MDGA2: variants seen among roughly 807,000 people sequenced by gnomAD.
MDGA2 encodes the protein MAM domain containing glycosylphosphatidylinositol anchor 2, also known as MAM domain-containing glycosylphosphatidylinositol anchor protein 2.
Under a neutral mutation model 117.8 loss-of-function variants are expected in MDGA2, and 40 were observed. The ratio of observed to expected loss-of-function variants is 0.34; its 90% CI spans 0.26 to 0.44. MDGA2 has a LOEUF of 0.44. MDGA2 is among the 20% of genes least tolerant of loss of function. MDGA2 has a pLI of 1.00. For synonymous variants in MDGA2, 452 were observed against 439.0 expected (o/e 1.03, Z -0.37); for missense variants, 1,123 against 1,250.6 (o/e 0.90, Z 1.54).
intron 7 of MDGA2, among the ~76,000 whole-genome samples, chr14:47,053,601 GTATATATATATA>G (rs373802720): frequency 0.048 from 5,170 of 107,310 alleles, 267 homozygotes; most frequent in African/African-American, 0.11. Context: ...GTGTGTATGT[GTATATATATATA>G]TATATATATA....
chr14:47,178,444 T>C (rs140740021), intron 3 of MDGA2, among the ~76,000 whole-genome samples: 12 of 152,298 alleles, frequency 7.9e-5, no homozygotes, highest in Admixed American at 2.6e-4. Flanking sequence ...TATTGCCTTT[T>C]ATTTGTTTCT....
At chr14:47,150,372 CTT>C (rs1159818850) in intron 3 of MDGA2, among the ~76,000 whole-genome samples, 13 of 152,308 alleles carry the variant, frequency 8.5e-5, no homozygotes, top group African/African-American at 2.9e-4. Context: ...ATAAGAATCT[CTT>C]TGTATTTTGC....
chr14:47,543,130 A>G (rs7156213), intron 1 of MDGA2, among the ~76,000 whole-genome samples: 2,024 of 152,234 alleles, frequency 0.013, 44 homozygotes, highest in African/African-American at 0.046. Flanking sequence ...CAATCACTTG[A>G]GCCTGGGAGG....
chr14:47,327,032 A>G (rs977763956), intron 1 of MDGA2, among the ~76,000 whole-genome samples: 1 of 152,194 alleles, frequency 6.6e-6, no homozygotes, highest in Non-Finnish European at 1.5e-5. Context: ...TAGGAGGGCT[A>G]GAAGCCCCTT....
At chr14:46,925,723 G>A (rs1884306929) in intron 9 of MDGA2, among the ~76,000 whole-genome samples, 1 of 151,432 alleles carries the variant, frequency 6.6e-6, no homozygotes, top group African/African-American at 2.4e-5. Flanking sequence ...CGAACACCAT[G>A]GAACATTCTA....
chr14:47,408,097 C>T (rs1033339550), intron 1 of MDGA2, among the ~76,000 whole-genome samples: 6 of 122,512 alleles, frequency 4.9e-5, no homozygotes, highest in African/African-American at 1.9e-4. Context: ...TGCTCTGTTG[C>T]CAGGCTGGAG....
chr14:46,908,057 C>A (rs754152430), intron 10 of MDGA2, among the ~76,000 whole-genome samples: 3 of 152,162 alleles, frequency 2.0e-5, no homozygotes, highest in Non-Finnish European at 4.4e-5. Flanking sequence ...AACCCTCACA[C>A]ATATCATCAC....
chr14:47,586,606 A>G (rs1393809075), intron 1 of MDGA2, among the ~76,000 whole-genome samples: 1 of 151,908 alleles, frequency 6.6e-6, no homozygotes, highest in Admixed American at 6.6e-5. Flanking sequence ...GTTTCCAAAG[A>G]ATAGAAAATC....
At chr14:47,100,639 T>C (rs1388309510) in intron 5 of MDGA2, among the ~76,000 whole-genome samples, 1 of 152,024 alleles carries the variant, frequency 6.6e-6, no homozygotes, top group Non-Finnish European at 1.5e-5. Context: ...AAAACTGAAA[T>C]GGGATAAGGA....
chr14:47,296,120 G>A (rs1263886106), intron 2 of MDGA2, among the ~76,000 whole-genome samples: 1 of 152,020 alleles, frequency 6.6e-6, no homozygotes, highest in Non-Finnish European at 1.5e-5. Context: ...TTGTATAAGG[G>A]CAAGAGGGAA....
At chr14:47,660,277 C>T (rs188856414) in intron 1 of MDGA2, among the ~76,000 whole-genome samples, 12 of 152,300 alleles carry the variant, frequency 7.9e-5, no homozygotes, top group African/African-American at 2.9e-4. Context: ...CATGGCGCTA[C>T]AGCTGAATAT....
chr14:47,372,676 A>T (rs542423979), intron 1 of MDGA2, among the ~76,000 whole-genome samples: 3 of 152,108 alleles, frequency 2.0e-5, no homozygotes, highest in Non-Finnish European at 4.4e-5. Flanking sequence ...AAATTTAAGA[A>T]TTACTATTGA....
At chr14:46,960,014 G>A (rs913427423) in intron 8 of MDGA2, among the ~76,000 whole-genome samples, 2 of 151,988 alleles carry the variant, frequency 1.3e-5, no homozygotes, top group African/African-American at 2.4e-5. Context: ...ACGAGGTCAG[G>A]ACTTCGAGAC....
In MDGA2 at chr14:47,409,579, T is replaced by G. The variant is rs138832240; in HGVS notation, c.281-108029A>C. The stretch of plus-strand genomic sequence containing the variant: ...AAAAAGCTACATGCTGCCATCCCTA[T>G]TTCTAATCAGTACTGTAGGTACAGT... On this transcript the variant is annotated intron_variant, in intron 1 of 16. Transcript: ENST00000399232. Among the ~76,000 whole-genome samples the G allele has an allele frequency of 9.8e-5, 15 of 152,306 alleles. No homozygotes were observed. The East Asian group carries it at 1.4e-3, about 14-fold the overall frequency.
intron 1 of MDGA2, among the ~76,000 whole-genome samples, chr14:47,587,475 A>G (rs1338290512): frequency 6.6e-6 from 1 of 151,892 alleles, no homozygotes; most frequent in African/African-American, 2.4e-5. Context: ...TTTATCTGAC[A>G]CTGTGTCTCC....
chr14:47,404,334 C>T (rs1892216738), intron 1 of MDGA2, among the ~76,000 whole-genome samples: 2 of 151,900 alleles, frequency 1.3e-5, no homozygotes, highest in Non-Finnish European at 2.9e-5. Context: ...TACAGGCTTG[C>T]ACCGCCATGC....
intron 2 of MDGA2, among the ~76,000 whole-genome samples, chr14:47,284,485 C>T (rs931953187): frequency 1.3e-5 from 2 of 152,102 alleles, no homozygotes; most frequent in African/African-American, 4.8e-5. Context: ...GTTTCCTACT[C>T]CATAGTAGGT....
At chr14:46,924,052 T>C (rs1884232992) in intron 9 of MDGA2, among the ~76,000 whole-genome samples, 1 of 152,058 alleles carries the variant, frequency 6.6e-6, no homozygotes, top group African/African-American at 2.4e-5. Flanking sequence ...TTATACAATG[T>C]TGTTCCAATC....
intron 6 of MDGA2, among the ~76,000 whole-genome samples, chr14:47,085,535 T>A (rs1386235490): frequency 6.6e-6 from 1 of 152,140 alleles, no homozygotes; most frequent in African/African-American, 2.4e-5. Flanking sequence ...ATTATATGCA[T>A]TTCTTTCCAA....
Sources: gnomAD v4.1 joint callset for allele counts (sites outside exome capture counted in the v4.1 genomes callset) on GRCh38, gnomAD v4.1.1 for gene constraint, MANE v1.5 for transcripts, NCBI Gene and HGNC (gene_info 2026-07-23, HGNC 2026-07-21) for gene names.